The following TEX9 variants were observed in gnomAD, a reference collection of about 807,000 sequenced individuals.
TEX9 encodes testis-expressed protein 9.
TEX9 carries 74 observed loss-of-function variants against 59.6 expected under a neutral mutation model. That is an observed-to-expected ratio of 1.24 (90% CI 1.03 to 1.51). The LOEUF is 1.51. Among genes scored for constraint, TEX9 ranks in the 40% most tolerant of loss-of-function variants. The probability of loss-of-function intolerance (pLI) is 0.00; values close to 1 mark genes in which losing one functional copy is unlikely to be tolerated. For synonymous variants in TEX9, 186 were observed against 152.2 expected (o/e 1.22, Z -1.64); for missense variants, 522 against 447.8 (o/e 1.17, Z -1.49).
the TEX9 span, chr15:56,456,343 A>C: frequency 5.9e-3 from 9,106 of 1,534,844 alleles, 462 homozygotes; most frequent in African/African-American, 0.1. Context: ...GGATTACATA[A>C]GAGTTTAAAG....
chr15:56,384,642 A>G, intron 4 of TEX9, among the ~76,000 whole-genome samples: 1 of 152,230 alleles, frequency 6.6e-6, no homozygotes, highest in Admixed American at 6.5e-5. Context: ...GGAATGCTGC[A>G]TAACAAAAAT....
the TEX9 span, among the ~76,000 whole-genome samples, chr15:56,451,897 G>A: frequency 8.6e-5 from 13 of 152,040 alleles, no homozygotes; most frequent in Non-Finnish European, 1.6e-4. Context: ...TATTACTTAC[G>A]TCTAGTTTAA....
At chr15:56,433,334 G>A (rs1389669786) in intron 12 of TEX9, among the ~76,000 whole-genome samples, 1 of 151,762 alleles carries the variant, frequency 6.6e-6, no homozygotes, top group Non-Finnish European at 1.5e-5. Context: ...CCTAGATGAC[G>A]GGTTGATAGG....
intron 1 of TEX9, among the ~76,000 whole-genome samples, chr15:56,263,632 T>G (rs1488109208): frequency 6.6e-6 from 1 of 152,220 alleles, no homozygotes; most frequent in Admixed American, 6.5e-5. Context: ...TGCATAGTTA[T>G]GTAACTACCA....
At chr15:56,347,541 A>G (rs1241118025) in intron 1 of TEX9, among the ~76,000 whole-genome samples, 1 of 152,050 alleles carries the variant, frequency 6.6e-6, no homozygotes, top group African/African-American at 2.4e-5. Context: ...AAAAAAAAGG[A>G]AGAAAATAAA....
At chr15:56,454,413 C>T in the TEX9 span, among the ~76,000 whole-genome samples, 1 of 152,070 alleles carries the variant, frequency 6.6e-6, no homozygotes, top group African/African-American at 2.4e-5. Context: ...TGACTATAGT[C>T]ACCCTGCTGT....
At chr15:56,446,698 A>G (rs968026664), downstream of TEX9, 5 of 607,328 alleles carry the variant, frequency 8.2e-6, no homozygotes, top group Non-Finnish European at 1.4e-5. Flanking sequence ...GATTTTCTAC[A>G]TCTTAAGGAT....
intron 3 of TEX9, chr15:56,374,198 A>T (rs2047319210): frequency 6.6e-6 from 1 of 151,928 alleles, no homozygotes; most frequent in Non-Finnish European, 1.5e-5. Flanking sequence ...GTACAAAAGG[A>T]CCCCACGTTA....
intron 9 of TEX9, among the ~76,000 whole-genome samples, chr15:56,402,739 A>G (rs546592282): frequency 3.5e-4 from 53 of 152,330 alleles, no homozygotes; most frequent in African/African-American, 1.3e-3. Flanking sequence ...CCTCAATAAA[A>G]TACTGGCAAA....
chr15:56,341,794 A>G (rs12442599), intron 1 of TEX9, among the ~76,000 whole-genome samples: 6,690 of 152,282 alleles, frequency 0.044, 224 homozygotes, highest in Admixed American at 0.086. Flanking sequence ...ATATAAAAAT[A>G]TACTCAAATA....
intron 1 of TEX9, among the ~76,000 whole-genome samples, chr15:56,293,608 G>A (rs1258250198): frequency 2.6e-5 from 4 of 152,260 alleles, no homozygotes; most frequent in East Asian, 1.9e-4. Context: ...AATTTATGAC[G>A]GGGCTTTGGG....
At chr15:56,440,473 G>T (rs1270174163) in intron 12 of TEX9, among the ~76,000 whole-genome samples, 1 of 152,104 alleles carries the variant, frequency 6.6e-6, no homozygotes, top group African/African-American at 2.4e-5. Context: ...AGCATTTATT[G>T]CAGAGAAATG....
chr15:56,254,545 T>C lies in TEX9; in HGVS notation c.-107+10267T>C, dbSNP rs979012704. The stretch of plus-strand genomic sequence containing the variant: ...AAAAGAAACACTCTCCCCAGCAATA[T>C]GCCCTTCCCTTCACCTATAATCACA... On this transcript the variant is annotated intron_variant, in intron 1 of 5. Transcript: ENST00000560827. Among the ~76,000 whole-genome samples, 3 of 151,444 alleles carry C rather than the reference T, an allele frequency of 2.0e-5. 1 individual carries two copies. Among genetic ancestry groups the C allele is most frequent in the Non-Finnish European group, 4.4e-5 (3 of 67,880 alleles).
chr15:56,372,756 G>A lies in TEX9; in HGVS notation c.120-685G>A, dbSNP rs183997019. Among the ~76,000 whole-genome samples, 40 of 152,140 alleles carry A rather than the reference G, an allele frequency of 2.6e-4. No individual in the cohort carries two copies. The East Asian group carries it at 6.2e-3, about 23-fold the overall frequency. The stretch of plus-strand genomic sequence containing the variant: ...GTGGTAGGATTATGGGCAGTTTTTC[G>A]TTTAAAAACAATTTTTTTCAATAAT... On this transcript the variant is annotated intron_variant, in intron 2 of 12. Transcript: ENST00000352903.
At chr15:56,434,254 C>T (rs1407348297) in intron 12 of TEX9, 8 of 1,613,782 alleles carry the variant, frequency 5.0e-6, no homozygotes, top group Non-Finnish European at 6.8e-6. Flanking sequence ...CGATCATCCT[C>T]AGCAAATTTA....
At chr15:56,258,158 T>A (rs1249122075) in intron 1 of TEX9, among the ~76,000 whole-genome samples, 1 of 152,154 alleles carries the variant, frequency 6.6e-6, no homozygotes, top group African/African-American at 2.4e-5. Flanking sequence ...GTGTCTGTTC[T>A]TGTACTGGTA....
chr15:56,277,265 T>C (rs1198141218), intron 1 of TEX9, among the ~76,000 whole-genome samples: 1 of 152,236 alleles, frequency 6.6e-6, no homozygotes, highest in Non-Finnish European at 1.5e-5. Flanking sequence ...ATGTCCTGAA[T>C]GGTATTGCCT....
At chr15:56,384,002 A>G in exon 4 of TEX9, 1 of 1,612,772 alleles carries the variant, frequency 6.2e-7, no homozygotes, top group Non-Finnish European at 8.5e-7. Flanking sequence ...AAATGAAATC[A>G]TGTGATGACG....
At chr15:56,405,240 G>C (rs1022786387) in intron 9 of TEX9, among the ~76,000 whole-genome samples, 8 of 151,536 alleles carry the variant, frequency 5.3e-5, no homozygotes, top group African/African-American at 1.9e-4. Flanking sequence ...AACCGGGAGG[G>C]AGCTTGCGGT....
Sources: allele counts gnomAD v4.1 joint callset (sites outside exome capture counted in the v4.1 genomes callset), GRCh38; gene constraint gnomAD v4.1.1; transcripts MANE v1.5; gene names NCBI Gene and HGNC (gene_info 2026-07-23, HGNC 2026-07-21).